Variants in ZBTB46 observed in about 807,000 individuals in gnomAD.
The protein encoded by ZBTB46 is zinc finger and BTB domain-containing protein 46.
In ZBTB46, 8 loss-of-function variants were observed where a neutral mutation model predicts 44.1. The observed-to-expected ratio is 0.18, with a 90% CI of 0.11 to 0.33. ZBTB46 has a LOEUF of 0.33. Ranked by LOEUF, ZBTB46 falls within the 10% of genes least tolerant of loss-of-function variation. ZBTB46 has a pLI of 1.00. For missense variants in ZBTB46, 651 were observed against 847.7 expected, an observed-to-expected ratio of 0.77 and a Z score of 2.88; for synonymous variants, 409 against 382.3, an observed-to-expected ratio of 1.07 and a Z score of -0.81.
Position 63,754,333 on chromosome 20 carries a change from C to T in ZBTB46, c.1223-1472G>A, listed in dbSNP as rs2092199715. Among the ~76,000 whole-genome samples, 2 of 152,218 alleles carry T rather than the reference C, an allele frequency of 1.3e-5. 1 individual carries two copies. Among genetic ancestry groups the T allele is most frequent in the South Asian group, 4.1e-4 (2 of 4,830 alleles). Reference sequence around the variant, plus strand: ...TACCGCCACCGTCCCCCAGGCCACCCTTCTCACCCTGACAGCGCCTGGTTC... The same window carrying T: ...TACCGCCACCGTCCCCCAGGCCACCTTTCTCACCCTGACAGCGCCTGGTTC... On this transcript the variant is annotated intron_variant, in intron 3 of 4. Transcript: ENST00000245663.
At chr20:63,829,664 C>G (rs1289654424) in intron 1 of ZBTB46, among the ~76,000 whole-genome samples, 3 of 152,244 alleles carry the variant, frequency 2.0e-5, no homozygotes, top group Non-Finnish European at 4.4e-5. Context: ...ACACGTAAAA[C>G]ACACCGAGCA....
chr20:63,764,727 C>T (rs1408964701), intron 3 of ZBTB46, among the ~76,000 whole-genome samples: 1 of 150,918 alleles, frequency 6.6e-6, no homozygotes, highest in East Asian at 2.0e-4. Context: ...CTCAGCCTCC[C>T]GAGTAGCTGG....
intron 2 of ZBTB46, among the ~76,000 whole-genome samples, chr20:63,780,987 A>T (rs1027415977): frequency 1.4e-5 from 2 of 144,106 alleles, no homozygotes; most frequent in Non-Finnish European, 3.1e-5. Flanking sequence ...AAAAAAATAC[A>T]AAAATTAGCT....
intron 3 of ZBTB46, among the ~76,000 whole-genome samples, chr20:63,759,732 G>C (rs1287413126): frequency 1.3e-5 from 2 of 152,248 alleles, no homozygotes; most frequent in East Asian, 3.9e-4. Context: ...CCCGTGCTCA[G>C]AGGCTAAGTC....
At chr20:63,814,438 T>G (rs1243063320) in intron 1 of ZBTB46, among the ~76,000 whole-genome samples, 2 of 152,282 alleles carry the variant, frequency 1.3e-5, no homozygotes, top group African/African-American at 4.8e-5. Context: ...ATAATATAAC[T>G]TTTACAAAAC....
intron 3 of ZBTB46, among the ~76,000 whole-genome samples, chr20:63,773,198 C>T (rs767061750): frequency 7.6e-6 from 1 of 130,778 alleles, no homozygotes; most frequent in Non-Finnish European, 1.6e-5. Context: ...GTAGAAAAAG[C>T]ACAAACAAAT....
At chr20:63,806,675 C>G (rs1224279108) in intron 1 of ZBTB46, among the ~76,000 whole-genome samples, 1 of 152,160 alleles carries the variant, frequency 6.6e-6, no homozygotes, top group African/African-American at 2.4e-5. Context: ...ACGGTGCGAC[C>G]TTGGCTCACT....
chr20:63,750,261 T>C (rs1161019956), intron 4 of ZBTB46, among the ~76,000 whole-genome samples: 3 of 152,174 alleles, frequency 2.0e-5, no homozygotes, highest in African/African-American at 7.2e-5. Context: ...TGTTGTTCTT[T>C]AGAGACAGGG....
intron 1 of ZBTB46, among the ~76,000 whole-genome samples, chr20:63,793,533 G>C (rs2092577273): frequency 6.6e-6 from 1 of 152,188 alleles, no homozygotes; most frequent in African/African-American, 2.4e-5. Context: ...CTGTATCCAG[G>C]CTAGGAAGCT....
chr20:63,831,316 C>CGCG (rs1568917196), upstream of ZBTB46: 3 of 124,552 alleles, frequency 2.4e-5, no homozygotes, highest in African/African-American at 5.9e-5. Context: ...GCGCGCGCGC[C>CGCG]CCGCCCGCGG....
upstream of ZBTB46, among the ~76,000 whole-genome samples, chr20:63,833,028 C>T (rs2092859815): frequency 6.6e-6 from 1 of 152,176 alleles, no homozygotes; most frequent in Non-Finnish European, 1.5e-5. Flanking sequence ...GGGCCTCCCG[C>T]AGAGCCTGCC....
At chr20:63,782,009 C>T (rs1176753231) in intron 2 of ZBTB46, among the ~76,000 whole-genome samples, 7 of 149,272 alleles carry the variant, frequency 4.7e-5, no homozygotes, top group Non-Finnish European at 1.0e-4. Context: ...ATGGCATGAA[C>T]CGGGGAGGCG....
chr20:63,793,226 G>A (rs977024087), intron 1 of ZBTB46, among the ~76,000 whole-genome samples: 1 of 152,208 alleles, frequency 6.6e-6, no homozygotes. Flanking sequence ...GTGTGGGTGC[G>A]AGCAGAACAA....
intron 3 of ZBTB46, among the ~76,000 whole-genome samples, chr20:63,755,323 C>A (rs1019934453): frequency 6.6e-6 from 1 of 152,262 alleles, no homozygotes; most frequent in Non-Finnish European, 1.5e-5. Flanking sequence ...ATCAAGGCAT[C>A]AGCACGGGCT....
intron 1 of ZBTB46, among the ~76,000 whole-genome samples, chr20:63,824,231 G>C (rs1039294564): frequency 2.0e-5 from 3 of 152,056 alleles, no homozygotes; most frequent in Admixed American, 6.6e-5. Context: ...GGAAGAAATG[G>C]GGCTGGACCT....
chr20:63,773,163 G>C (rs2092391261), intron 3 of ZBTB46, among the ~76,000 whole-genome samples: 1 of 151,822 alleles, frequency 6.6e-6, no homozygotes, highest in South Asian at 2.1e-4. Context: ...GCCACACCCA[G>C]GGAGGGCTGT....
chr20:63,756,650 G>C (rs1045727696), intron 3 of ZBTB46, among the ~76,000 whole-genome samples: 7 of 152,226 alleles, frequency 4.6e-5, no homozygotes, highest in African/African-American at 1.4e-4. Context: ...TCGCCAAACA[G>C]GCACTGCGTG....
chr20:63,779,230 TTA>T (rs746706746), intron 2 of ZBTB46, among the ~76,000 whole-genome samples: 82,167 of 151,180 alleles, frequency 0.54, 22,496 homozygotes, highest in South Asian at 0.62. Flanking sequence ...TTTTATTTAA[TTA>T]ATTAATTAAT....
intron 1 of ZBTB46, chr20:63,816,265 C>T: frequency 4.5e-6 from 1 of 222,692 alleles, no homozygotes. Context: ...GCACAAGCAG[C>T]CGCAACACTC....
Sources: allele counts gnomAD v4.1 joint callset (sites outside exome capture counted in the v4.1 genomes callset), GRCh38; gene constraint gnomAD v4.1.1; transcripts MANE v1.5; gene names NCBI Gene and HGNC (gene_info 2026-07-23, HGNC 2026-07-21).